Variants in HTR1D observed in about 807,000 individuals in gnomAD.
HTR1D encodes 5-hydroxytryptamine receptor 1D.
Under a neutral mutation model 21.1 loss-of-function variants are expected in HTR1D, and 18 were observed. The observed-to-expected ratio is 0.85, with a 90% CI of 0.59 to 1.27. HTR1D has a LOEUF of 1.27. Among genes scored for constraint, HTR1D ranks in the 50% most tolerant of loss-of-function variants. HTR1D has a pLI of 0.00. For missense variants in HTR1D, 456 were observed against 481.4 expected (o/e 0.95, Z 0.49); for synonymous variants, 196 against 204.4 (o/e 0.96, Z 0.35).
chr1:23,216,916 G>A (rs1451197206), intron 1 of HTR1D, among the ~76,000 whole-genome samples: 1 of 152,104 alleles, frequency 6.6e-6, no homozygotes, highest in Non-Finnish European at 1.5e-5. Context: ...GGCCAGCAGG[G>A]GGCAGCGCCC....
Position 23,217,258 on chromosome 1 carries a change from G to C in HTR1D, c.-783+33C>G, listed in dbSNP as rs1005106308. On this transcript the variant is annotated intron_variant, in intron 1 of 1. Coordinates refer to ENST00000374619, the MANE Select transcript of HTR1D (RefSeq NM_000864.5). The surrounding 1 kb of genome is among the most constrained non-coding windows in gnomAD (Gnocchi z 4.6). The stretch of plus-strand genomic sequence containing the variant: ...TCAGTTCCCCGCGGACGGCCGCTGG[G>C]GCCAGGCTGCAGACGCGGCCCCGAG... 6.6e-6 allele frequency among the ~76,000 whole-genome samples: 1 copy of C among 151,706 alleles called. No homozygotes were observed. The highest frequency in any genetic ancestry group is 1.5e-5 in the Non-Finnish European group (1 of 67,846).
intron 1 of HTR1D, among the ~76,000 whole-genome samples, chr1:23,198,673 C>T (rs1378557447): frequency 6.7e-6 from 1 of 149,368 alleles, no homozygotes; most frequent in South Asian, 2.1e-4. Context: ...TACAGAGAAG[C>T]AAAACAGAGT....
chr1:23,194,231 C>T lies in HTR1D; in HGVS notation c.-12G>A. 1 of 1,606,120 alleles carries T rather than the reference C, an allele frequency of 6.2e-7. No homozygotes were observed. Among genetic ancestry groups the T allele is most frequent in the Non-Finnish European group, 8.5e-7 (1 of 1,176,214 alleles). On this transcript the variant is annotated 5_prime_UTR_variant, in exon 2 of 2. Transcript: ENST00000374619. ...TTCAGTGGGGACATGCTAGGTGGCT[C>T]TCTCTTCCCACAGACCTCCACACAT... is the stretch of plus-strand genomic sequence containing the variant.
At chr1:23,211,559 C>G (rs536164822) in intron 1 of HTR1D, among the ~76,000 whole-genome samples, 21 of 152,254 alleles carry the variant, frequency 1.4e-4, no homozygotes, top group African/African-American at 5.1e-4. Flanking sequence ...ACCTATTCCA[C>G]AGGATTGAAC....
In HTR1D at chr1:23,217,304, G is replaced by A. The variant is rs1260930088; in HGVS notation, c.-796C>T. 1.3e-5 allele frequency among the ~76,000 whole-genome samples: 2 copies of A among 151,694 alleles called. No individual in the cohort carries two copies. Among genetic ancestry groups the A allele is most frequent in the Non-Finnish European group, 2.9e-5 (2 of 67,852 alleles). On this transcript the variant is annotated 5_prime_UTR_variant, in exon 1 of 2. Transcript: ENST00000374619. This position sits in a 1 kb window ranked among gnomAD's most constrained non-coding sequence, Gnocchi z 4.6. Reference sequence around the variant, plus strand: ...CCGAGAGCTTACCCGCTGCCCGGCGGGCAGGTGCGCACACCCGGCGTACCC... The same window carrying A: ...CCGAGAGCTTACCCGCTGCCCGGCGAGCAGGTGCGCACACCCGGCGTACCC...
intron 1 of HTR1D, among the ~76,000 whole-genome samples, chr1:23,204,526 C>T (rs1398530705): frequency 1.3e-5 from 2 of 152,206 alleles, no homozygotes; most frequent in Admixed American, 6.5e-5. Flanking sequence ...GATCACATGG[C>T]AGTTTAGTGT....
At chr1:23,212,172 C>T (rs1644755902) in intron 1 of HTR1D, among the ~76,000 whole-genome samples, 1 of 152,144 alleles carries the variant, frequency 6.6e-6, no homozygotes, top group Non-Finnish European at 1.5e-5. Flanking sequence ...CTCATCTCCC[C>T]CACCCTCTCG....
At position 23,192,456 on chromosome 1, in the gene HTR1D, G is replaced by A. The variant is rs901465719; in HGVS notation, c.*630C>T. 4 of 152,502 alleles carry A rather than the reference G, an allele frequency of 2.6e-5. No homozygotes were observed. Among genetic ancestry groups the A allele is most frequent in the Admixed American group, 1.3e-4 (2 of 15,250 alleles). 9.4% of individuals were successfully genotyped at this position (152,502 alleles called of 1,614,324 possible). ...AGAGAGCCTTCCCTCTGAGTCTGGG[G>A]TCTTTTCTATAATCAAACAGTTTCT... On this transcript the variant is annotated 3_prime_UTR_variant, in exon 2 of 2. Coordinates refer to ENST00000374619, the MANE Select transcript of HTR1D (RefSeq NM_000864.5).
chr1:23,200,612 G>T (rs1300788345), intron 1 of HTR1D, among the ~76,000 whole-genome samples: 1 of 152,068 alleles, frequency 6.6e-6, no homozygotes, highest in Non-Finnish European at 1.5e-5. Flanking sequence ...GGCCTCAAGT[G>T]ATCCTTTCAC....
intron 1 of HTR1D, among the ~76,000 whole-genome samples, chr1:23,213,250 C>T (rs987500486): frequency 7.3e-5 from 11 of 151,538 alleles, no homozygotes; most frequent in South Asian, 2.1e-4. Context: ...GTTGGGAGGT[C>T]GAGGCTGGCG....
At chr1:23,197,423 C>T (rs564739271) in intron 1 of HTR1D, among the ~76,000 whole-genome samples, 4 of 152,258 alleles carry the variant, frequency 2.6e-5, no homozygotes, top group African/African-American at 9.6e-5. Flanking sequence ...TCCCGTCACA[C>T]TTCAAATAAT....
intron 1 of HTR1D, among the ~76,000 whole-genome samples, chr1:23,206,959 G>A (rs1045547277): frequency 6.6e-6 from 1 of 152,142 alleles, no homozygotes; most frequent in Non-Finnish European, 1.5e-5. Flanking sequence ...GCTTTAGCTT[G>A]GCTTTGCTGC....
chr1:23,200,856 C>A lies in HTR1D; in HGVS notation c.-782-5855G>T, dbSNP rs1569758917. Among the ~76,000 whole-genome samples, 8 of 152,258 alleles carry A rather than the reference C, an allele frequency of 5.3e-5. 1 individual carries two copies. The highest frequency in any genetic ancestry group is 5.2e-4 in the Admixed American group (8 of 15,274). ...ACATACCAAGGAGCTTCCTCCCTGC[C>A]CACCCATTTTCCCAGGGGCCATGAC... On this transcript the variant is annotated intron_variant, in intron 1 of 1. Coordinates refer to ENST00000374619, the MANE Select transcript of HTR1D (RefSeq NM_000864.5).
At chr1:23,198,352 C>T (rs1227334162) in intron 1 of HTR1D, among the ~76,000 whole-genome samples, 2 of 113,912 alleles carry the variant, frequency 1.8e-5, no homozygotes, top group South Asian at 2.8e-4. Flanking sequence ...GGTGATGGAG[C>T]GAGACTCCGT....
chr1:23,195,804 T>A (rs78121225), intron 1 of HTR1D, among the ~76,000 whole-genome samples: 25,366 of 152,042 alleles, frequency 0.17, 2,363 homozygotes, highest in Middle Eastern at 0.28. Context: ...TCCTATATAA[T>A]AAACCAGTAA....
chr1:23,213,297 T>C (rs1644761025), intron 1 of HTR1D, among the ~76,000 whole-genome samples: 1 of 151,390 alleles, frequency 6.6e-6, no homozygotes, highest in Non-Finnish European at 1.5e-5. Flanking sequence ...CTGGCCAACA[T>C]GGTGAAACCC....
intron 1 of HTR1D, among the ~76,000 whole-genome samples, chr1:23,215,872 G>A (rs552970209): frequency 5.9e-5 from 9 of 152,232 alleles, no homozygotes; most frequent in African/African-American, 2.2e-4. Flanking sequence ...TTGTTCATGA[G>A]ATCAAAGCCT....
At chr1:23,198,299 G>A (rs1452436241) in intron 1 of HTR1D, among the ~76,000 whole-genome samples, 3 of 149,892 alleles carry the variant, frequency 2.0e-5, no homozygotes, top group Non-Finnish European at 4.4e-5. Flanking sequence ...CCAGGAGGCG[G>A]AGCTTGCAGT....
chr1:23,205,014 A>C (rs996675193), intron 1 of HTR1D, among the ~76,000 whole-genome samples: 4 of 152,246 alleles, frequency 2.6e-5, no homozygotes, highest in African/African-American at 9.6e-5. Flanking sequence ...TCAATCAACA[A>C]GTAGATAAAG....
Sources: allele counts gnomAD v4.1 joint callset (sites outside exome capture counted in the v4.1 genomes callset), GRCh38; gene constraint gnomAD v4.1.1; non-coding constraint Gnocchi (gnomAD v3.1); transcripts MANE v1.5; gene names NCBI Gene and HGNC (gene_info 2026-07-23, HGNC 2026-07-21).